KIF6: variants seen among roughly 807,000 people sequenced by gnomAD.
KIF6 encodes the protein kinesin-like protein KIF6.
A neutral mutation model predicts 112.7 loss-of-function variants in KIF6; 106 were observed. That is an observed-to-expected ratio of 0.94 (90% confidence interval 0.80 to 1.11). The LOEUF (loss-of-function observed/expected upper bound fraction) is 1.11. Ranked by LOEUF, KIF6 falls within the 50% of genes least tolerant of loss-of-function variation. KIF6 has a pLI of 0.00. For synonymous variants in KIF6, 339 were observed against 339.9 expected (o/e 1.00, Z 0.03); for missense variants, 929 against 964.0 (o/e 0.96, Z 0.48).
chr6:39,414,182 G>A (rs1279630435), intron 15 of KIF6, among the ~76,000 whole-genome samples: 1 of 152,112 alleles, frequency 6.6e-6, no homozygotes. Context: ...GGTCCCCGAT[G>A]ACTCCTCTGC....
At chr6:39,411,456 AT>A (rs1300404424) in intron 15 of KIF6, among the ~76,000 whole-genome samples, 2 of 152,186 alleles carry the variant, frequency 1.3e-5, no homozygotes, top group African/African-American at 4.8e-5. Context: ...ACTAGAAGTG[AT>A]TGTTTCTGTG....
rs1554195076 is a variant in KIF6, at chr6:39,337,172, C to CTTCCTTCTTTCTTTCTTTCT, written c.2429-625_2429-624insAGAAAGAAAGAAAGAAGGAA. On this transcript the variant is annotated intron_variant, in intron 22 of 22. Transcript: ENST00000287152. Reference sequence around the variant, plus strand: ...TCTCTTTCTTTTCTTTCTTTCCTTCCTTCTTTCTTTCTTTCTTTCTTTCTT... The same window carrying CTTCCTTCTTTCTTTCTTTCT: ...TCTCTTTCTTTTCTTTCTTTCCTTCCTTCCTTCTTTCTTTCTTTCTTTCTTTCTTTCTTTCTTTCTTTCTT... 3.3e-3 allele frequency among the ~76,000 whole-genome samples: 196 copies of CTTCCTTCTTTCTTTCTTTCT among 59,480 alleles called. 3 individuals are homozygous for CTTCCTTCTTTCTTTCTTTCT. The highest frequency in any genetic ancestry group is 5.5e-3 in the Admixed American group (28 of 5,072). 39.0% of individuals were successfully genotyped at this position (59,480 alleles called of 152,430 possible).
chr6:39,568,344 G>A (rs1330974978), intron 10 of KIF6, among the ~76,000 whole-genome samples: 1 of 152,150 alleles, frequency 6.6e-6, no homozygotes, highest in Admixed American at 6.5e-5. Context: ...GAGAAATGGT[G>A]AGGAGACCAG....
chr6:39,372,095 G>A (rs1013783837), intron 16 of KIF6, among the ~76,000 whole-genome samples: 2 of 152,158 alleles, frequency 1.3e-5, no homozygotes, highest in African/African-American at 2.4e-5. Context: ...AGGGAGAGAA[G>A]TCTTATCTCT....
Position 39,336,537 on chromosome 6 carries a change from T to C in KIF6, c.2440A>G (p.Asn814Asp). Reference sequence around the variant, plus strand: ...GATGGATATTTCCTGGAAATTCAATTGCTTCCCAAACCTGAAAGGGAGACA... The same window carrying C: ...GATGGATATTTCCTGGAAATTCAATCGCTTCCCAAACCTGAAAGGGAGACA... ...SILQKQCLGS[N>D] Residue 814 changes from asparagine to aspartate, a missense_variant, in exon 23 of 23, where the codon AAT (asparagine) becomes GAT (aspartate). By Grantham distance (23) the Asn-to-Asp change is conservative. This residue lies in a region of KIF6 where 241 missense variants were observed against 301.4 expected (regional missense o/e 0.80). Transcript: ENST00000287152. The C allele has an allele frequency of 6.2e-7, 1 of 1,614,010 alleles. No homozygotes were observed. Among genetic ancestry groups the C allele is most frequent in the Non-Finnish European group, 8.5e-7 (1 of 1,179,894 alleles).
At chr6:39,500,973 T>G (rs1252332503) in intron 13 of KIF6, among the ~76,000 whole-genome samples, 1 of 152,034 alleles carries the variant, frequency 6.6e-6, no homozygotes, top group Non-Finnish European at 1.5e-5. Flanking sequence ...CAGCTGCAGT[T>G]TGCGGAACTC....
chr6:39,529,982 TG>T (rs1777951789), intron 13 of KIF6, among the ~76,000 whole-genome samples: 1 of 152,264 alleles, frequency 6.6e-6, no homozygotes, highest in South Asian at 2.1e-4. Context: ...CCTTCTCCTT[TG>T]AATTCACAGA....
chr6:39,348,460 C>G lies in KIF6; in HGVS notation c.2181-1934G>C, dbSNP rs1025674608. ...TGGGGGCTCTCGAGGGAAATGACTC[C>G]TCAAACCTGTAAGCTGCTCAAGCAT... On this transcript the variant is annotated intron_variant, in intron 19 of 22. Transcript: ENST00000287152. Among the ~76,000 whole-genome samples the G allele has an allele frequency of 2.0e-5, 3 of 152,264 alleles. No individual in the cohort carries two copies. The East Asian group carries it at 5.8e-4, about 29-fold the overall frequency.
chr6:39,452,677 A>G lies in KIF6; in HGVS notation c.1646-21516T>C, dbSNP rs535953834. On this transcript the variant is annotated intron_variant, in intron 13 of 22. Coordinates refer to ENST00000287152, the MANE Select transcript of KIF6 (RefSeq NM_145027.6). The stretch of plus-strand genomic sequence containing the variant: ...ACCATTCTGTTCAAGAAAAAAGGGA[A>G]CATTTTTATTAAAAGAGCAGGATGT... 1.1e-4 allele frequency among the ~76,000 whole-genome samples: 17 copies of G among 152,318 alleles called. No homozygotes were observed. In the South Asian group the frequency reaches 3.3e-3, roughly 30 times the overall value.
intron 14 of KIF6, among the ~76,000 whole-genome samples, chr6:39,422,030 A>G (rs1426814656): frequency 1.3e-5 from 2 of 152,160 alleles, no homozygotes; most frequent in Admixed American, 1.3e-4. Context: ...TCTGACAGTC[A>G]CACGTTGCTC....
At chr6:39,501,897 T>C (rs1371827224) in intron 13 of KIF6, among the ~76,000 whole-genome samples, 1 of 152,028 alleles carries the variant, frequency 6.6e-6, no homozygotes, top group Non-Finnish European at 1.5e-5. Context: ...TGGAACCAAG[T>C]TGGAAAAGAC....
At chr6:39,364,509 C>G (rs1765415988) in intron 16 of KIF6, among the ~76,000 whole-genome samples, 2 of 152,168 alleles carry the variant, frequency 1.3e-5, no homozygotes, top group South Asian at 4.1e-4. Flanking sequence ...AGTGTGAAGG[C>G]TAGGTCTTGA....
At chr6:39,545,797 CT>C in intron 10 of KIF6, 109 bp from the exon 11 acceptor site, 1 of 631,778 alleles carries the variant, frequency 1.6e-6, no homozygotes. Flanking sequence ...GTTCCCACCT[CT>C]TTACAGAAGT....
rs563736036 is a variant in KIF6, at chr6:39,458,220, C to T, written c.1646-27059G>A. On this transcript the variant is annotated intron_variant, in intron 13 of 22. Coordinates refer to ENST00000287152, the MANE Select transcript of KIF6 (RefSeq NM_145027.6). ...TGGGATGCAAGGCTGGTTCAATATA[C>T]GCAAATCAATAAATGTAATCCAGCA... 7.7e-3 allele frequency among the ~76,000 whole-genome samples: 1,138 copies of T among 148,440 alleles called. 14 individuals carry two copies. Among genetic ancestry groups the T allele is most frequent in the African/African-American group, 0.023 (923 of 39,694 alleles).
intron 16 of KIF6, among the ~76,000 whole-genome samples, chr6:39,384,340 G>T (rs564780528): frequency 1.3e-5 from 2 of 152,334 alleles, no homozygotes; most frequent in Admixed American, 6.5e-5. Flanking sequence ...TCCAGCAGAG[G>T]TCATTCTGCC....
intron 5 of KIF6, among the ~76,000 whole-genome samples, chr6:39,634,344 A>G (rs1784511525): frequency 6.6e-6 from 1 of 152,206 alleles, no homozygotes; most frequent in Non-Finnish European, 1.5e-5. Context: ...AATTTCAGTC[A>G]TGAAACAATC....
At chr6:39,622,285 T>C (rs1307049917) in intron 5 of KIF6, among the ~76,000 whole-genome samples, 1 of 152,118 alleles carries the variant, frequency 6.6e-6, no homozygotes, top group Non-Finnish European at 1.5e-5. Flanking sequence ...TCTTTATATA[T>C]AAAATATTTT....
chr6:39,406,998 C>T (rs1769133991), intron 15 of KIF6, among the ~76,000 whole-genome samples: 1 of 152,022 alleles, frequency 6.6e-6, no homozygotes, highest in Admixed American at 6.6e-5. Flanking sequence ...CTCAAGTGAC[C>T]CTCCCACCTT....
chr6:39,445,802 A>G (rs947166080), intron 13 of KIF6, among the ~76,000 whole-genome samples: 1 of 152,224 alleles, frequency 6.6e-6, no homozygotes, highest in African/African-American at 2.4e-5. Flanking sequence ...GCAAATCCAC[A>G]GGGATGGGGA....
Sources: gnomAD v4.1 joint callset for allele counts (sites outside exome capture counted in the v4.1 genomes callset) on GRCh38, gnomAD v4.1.1 for gene constraint, gnomAD v4.1.1 regional missense constraint, MANE v1.5 for transcripts, NCBI Gene and HGNC (gene_info 2026-07-23, HGNC 2026-07-21) for gene names.